NKAIN3: variants seen among roughly 807,000 people sequenced by gnomAD.
The protein encoded by NKAIN3 is sodium/potassium-transporting ATPase subunit beta-1-interacting protein 3.
Under a neutral mutation model 30.2 loss-of-function variants are expected in NKAIN3, and 25 were observed. The ratio of observed to expected loss-of-function variants is 0.83; its 90% CI spans 0.60 to 1.16. The LOEUF (loss-of-function observed/expected upper bound fraction) is 1.16. NKAIN3 is among the 50% of genes most tolerant of loss of function. The pLI is 0.00. For missense variants in NKAIN3, 225 were observed against 254.1 expected (o/e 0.89, Z 0.78); for synonymous variants, 91 against 89.6 (o/e 1.02, Z -0.09).
At position 62,900,860 on chromosome 8, in the gene NKAIN3, C is replaced by T. The variant is rs1821592913; in HGVS notation, c.472-17593C>T. Among the ~76,000 whole-genome samples, 3 of 152,122 alleles carry T rather than the reference C, an allele frequency of 2.0e-5. No individual in the cohort carries two copies. In the South Asian group the frequency reaches 6.2e-4, roughly 32 times the overall value. ...GACCACAAAGATGGACTCTTGACCA[C>T]CATAACCATCAACTGTGAGGTGAGT... On this transcript the variant is annotated intron_variant, in intron 4 of 6. Transcript: ENST00000623646.
chr8:62,455,322 G>A (rs577699189), intron 1 of NKAIN3, among the ~76,000 whole-genome samples: 1 of 152,190 alleles, frequency 6.6e-6, no homozygotes, highest in Non-Finnish European at 1.5e-5. Flanking sequence ...GTACTCCATG[G>A]ACTACTATGC....
intron 4 of NKAIN3, among the ~76,000 whole-genome samples, chr8:62,896,760 G>A (rs1272179855): frequency 6.6e-6 from 1 of 152,162 alleles, no homozygotes; most frequent in Admixed American, 6.5e-5. Flanking sequence ...CCTAATAATT[G>A]CAGTCTAGTT....
At chr8:62,496,740 A>C (rs904612260) in intron 1 of NKAIN3, among the ~76,000 whole-genome samples, 1 of 152,182 alleles carries the variant, frequency 6.6e-6, no homozygotes, top group Non-Finnish European at 1.5e-5. Context: ...TTTCAAAAAA[A>C]TGGAGCTAAA....
intron 3 of NKAIN3, among the ~76,000 whole-genome samples, chr8:62,668,847 T>G (rs1813211965): frequency 6.6e-6 from 1 of 152,230 alleles, no homozygotes; most frequent in Non-Finnish European, 1.5e-5. Flanking sequence ...TAACTAATTG[T>G]CAAGTTTTCC....
intron 2 of NKAIN3, among the ~76,000 whole-genome samples, chr8:62,581,696 C>T (rs534107691): frequency 6.0e-4 from 91 of 152,220 alleles, no homozygotes; most frequent in African/African-American, 2.1e-3. Flanking sequence ...CATATCTAAC[C>T]ATTCTTCCTT....
At chr8:62,423,789 C>A (rs949813116) in intron 1 of NKAIN3, among the ~76,000 whole-genome samples, 2 of 151,992 alleles carry the variant, frequency 1.3e-5, no homozygotes, top group African/African-American at 4.8e-5. Flanking sequence ...TTATTACTGG[C>A]ACATTTAGCT....
chr8:62,551,700 A>T (rs17835066), intron 1 of NKAIN3, among the ~76,000 whole-genome samples: 56,493 of 152,010 alleles, frequency 0.37, 12,316 homozygotes, highest in Non-Finnish European at 0.5. Flanking sequence ...TCATTATAAA[A>T]ACCAACCAGT....
intron 3 of NKAIN3, among the ~76,000 whole-genome samples, chr8:62,732,410 A>AT (rs1198161500): frequency 2.0e-5 from 3 of 151,908 alleles, no homozygotes; most frequent in Non-Finnish European, 4.4e-5. Context: ...TCTTTTATAC[A>AT]TTTTTTTGCT....
chr8:62,279,011 C>T (rs747209114), intron 1 of NKAIN3, among the ~76,000 whole-genome samples: 1 of 152,164 alleles, frequency 6.6e-6, no homozygotes, highest in Non-Finnish European at 1.5e-5. Flanking sequence ...TAAAAGCTTT[C>T]CTATTCTCCA....
chr8:62,413,626 C>T (rs976059956), intron 1 of NKAIN3, among the ~76,000 whole-genome samples: 1 of 152,094 alleles, frequency 6.6e-6, no homozygotes, highest in Non-Finnish European at 1.5e-5. Flanking sequence ...AATCTCTAAA[C>T]ACATTCAAGG....
At chr8:62,260,622 A>G (rs1012714109) in intron 1 of NKAIN3, among the ~76,000 whole-genome samples, 3 of 151,874 alleles carry the variant, frequency 2.0e-5, no homozygotes, top group Non-Finnish European at 4.4e-5. Flanking sequence ...TCTTCTATTC[A>G]TTTGCTTTAT....
At chr8:62,340,006 C>G (rs1174167065) in intron 1 of NKAIN3, among the ~76,000 whole-genome samples, 1 of 151,948 alleles carries the variant, frequency 6.6e-6, no homozygotes, top group East Asian at 1.9e-4. Context: ...ATACCTTTTC[C>G]TCACCCATCA....
rs116763436 is a variant in NKAIN3, at chr8:62,819,901, A to C, written c.471+72772A>C. On this transcript the variant is annotated intron_variant, in intron 4 of 6. Coordinates refer to ENST00000623646, the MANE Select transcript of NKAIN3 (RefSeq NM_001304533.3). ...ACATTTTGCTTTTTAAAAATAAGCA[A>C]AATATAAAATGTTTGGAGCTAAGGA... Among the ~76,000 whole-genome samples, 419 of 152,298 alleles carry C rather than the reference A, an allele frequency of 2.8e-3. 3 individuals carry two copies. The highest frequency in any genetic ancestry group is 9.7e-3 in the African/African-American group (404 of 41,584).
intron 3 of NKAIN3, among the ~76,000 whole-genome samples, chr8:62,647,043 T>C (rs1812481605): frequency 1.3e-5 from 2 of 152,184 alleles, no homozygotes. Context: ...GTTTTTACAC[T>C]CTGTATTTCA....
intron 1 of NKAIN3, among the ~76,000 whole-genome samples, chr8:62,389,499 G>A (rs1817523821): frequency 6.6e-6 from 1 of 152,194 alleles, no homozygotes; most frequent in African/African-American, 2.4e-5. Flanking sequence ...GTCACATCAA[G>A]CTGAGGGAAT....
At chr8:62,485,874 G>C (rs1325934540) in intron 1 of NKAIN3, among the ~76,000 whole-genome samples, 1 of 152,212 alleles carries the variant, frequency 6.6e-6, no homozygotes, top group African/African-American at 2.4e-5. Context: ...GCTTGAGTGA[G>C]CAGAAGATTG....
At chr8:62,649,688 C>T (rs1466467962) in intron 3 of NKAIN3, among the ~76,000 whole-genome samples, 2 of 152,054 alleles carry the variant, frequency 1.3e-5, no homozygotes, top group Non-Finnish European at 2.9e-5. Flanking sequence ...TCTTAAAACA[C>T]GGTTTTATCT....
At chr8:62,841,603 A>G (rs1339558345) in intron 4 of NKAIN3, among the ~76,000 whole-genome samples, 1 of 152,126 alleles carries the variant, frequency 6.6e-6, no homozygotes, top group East Asian at 1.9e-4. Context: ...GGCTTATTTC[A>G]CTTAGCATAA....
Position 62,397,950 on chromosome 8 carries a change from A to G in NKAIN3, c.54+148823A>G, listed in dbSNP as rs551995400. Among the ~76,000 whole-genome samples the G allele has an allele frequency of 2.0e-5, 3 of 152,268 alleles. No homozygotes were observed. The East Asian group carries it at 5.8e-4, about 30-fold the overall frequency. Reference sequence around the variant, plus strand: ...ACCATCTATGTTTGTGCAGATGGAGACAAATTGAGATGGAATTCCATCCTT... The same window carrying G: ...ACCATCTATGTTTGTGCAGATGGAGGCAAATTGAGATGGAATTCCATCCTT... On this transcript the variant is annotated intron_variant, in intron 1 of 6. Transcript: ENST00000623646.
Sources: gnomAD v4.1 joint callset for allele counts (sites outside exome capture counted in the v4.1 genomes callset) on GRCh38, gnomAD v4.1.1 for gene constraint, MANE v1.5 for transcripts, NCBI Gene and HGNC (gene_info 2026-07-23, HGNC 2026-07-21) for gene names.